The following FHIT variants were observed in gnomAD, a reference collection of about 807,000 sequenced individuals.
FHIT encodes the protein bis(5'-adenosyl)-triphosphatase.
FHIT carries 19 observed loss-of-function variants against 17.9 expected under a neutral mutation model. The ratio of observed to expected loss-of-function variants is 1.06; its 90% CI spans 0.74 to 1.56. FHIT has a LOEUF of 1.56. FHIT is among the 40% of genes most tolerant of loss of function. The pLI, the probability that FHIT is intolerant of heterozygous loss-of-function variation, is 0.00. For synonymous variants in FHIT, 81 were observed against 69.7 expected, an observed-to-expected ratio of 1.16 and a Z score of -0.81; for missense variants, 248 against 189.2, an observed-to-expected ratio of 1.31 and a Z score of -1.82.
intron 8 of FHIT, among the ~76,000 whole-genome samples, chr3:59,835,150 G>A (rs1046040565): frequency 1.3e-5 from 2 of 152,060 alleles, no homozygotes; most frequent in African/African-American, 4.8e-5. Flanking sequence ...TGGATCAAAG[G>A]CCCTCTGACT....
At chr3:61,213,622 C>A (rs920576536) in intron 1 of FHIT, among the ~76,000 whole-genome samples, 1 of 152,290 alleles carries the variant, frequency 6.6e-6, no homozygotes, top group East Asian at 1.9e-4. Flanking sequence ...ACAAGGATAT[C>A]CAGGTATTGA....
rs892666529 is a variant in FHIT at position 60,181,224 on chromosome 3, C to T, written c.104-167072G>A. On this transcript the variant is annotated intron_variant, in intron 5 of 9. Transcript: ENST00000492590. ...GCAGTGGTACAATCTTGGCTCACTA[C>T]AACCTCTGCCTCCTGGGTTCAAGCG... Among the ~76,000 whole-genome samples the T allele has an allele frequency of 2.0e-5, 3 of 148,298 alleles. No homozygotes were observed. The East Asian group carries it at 6.1e-4, about 30-fold the overall frequency.
intron 8 of FHIT, among the ~76,000 whole-genome samples, chr3:59,789,206 G>A (rs1257053013): frequency 6.6e-6 from 1 of 152,148 alleles, no homozygotes; most frequent in East Asian, 1.9e-4. Flanking sequence ...GATAGTAGGG[G>A]CATTTCATTC....
intron 4 of FHIT, among the ~76,000 whole-genome samples, chr3:60,799,719 C>T (rs182779328): frequency 1.7e-4 from 26 of 152,242 alleles, no homozygotes; most frequent in African/African-American, 5.3e-4. Flanking sequence ...TAAACATTTT[C>T]GCCTCCAAGA....
At chr3:60,642,807 C>A (rs565152992) in intron 4 of FHIT, among the ~76,000 whole-genome samples, 1 of 152,082 alleles carries the variant, frequency 6.6e-6, no homozygotes, top group Non-Finnish European at 1.5e-5. Flanking sequence ...GGGTTTTGTA[C>A]CTGCTGCTTT....
chr3:61,171,106 T>C (rs1356684609), intron 2 of FHIT, among the ~76,000 whole-genome samples: 2 of 152,194 alleles, frequency 1.3e-5, no homozygotes, highest in Admixed American at 1.3e-4. Flanking sequence ...ACAACCTCAC[T>C]AGCGTCTGTT....
intron 3 of FHIT, among the ~76,000 whole-genome samples, chr3:61,036,051 A>T (rs2033222096): frequency 6.6e-6 from 1 of 152,208 alleles, no homozygotes; most frequent in Admixed American, 6.5e-5. Context: ...AGACTGGGTA[A>T]TTTATAAAGA....
chr3:59,754,714 G>A (rs774062700), intron 8 of FHIT, among the ~76,000 whole-genome samples: 7 of 152,204 alleles, frequency 4.6e-5, no homozygotes, highest in Non-Finnish European at 8.8e-5. Flanking sequence ...ATTGTCATAT[G>A]CCTTACAGAT....
intron 3 of FHIT, among the ~76,000 whole-genome samples, chr3:60,922,692 C>T (rs1553768704): frequency 1.3e-5 from 2 of 152,202 alleles, no homozygotes. Context: ...AGCCATTTCT[C>T]TCCCTTCCCT....
intron 5 of FHIT, among the ~76,000 whole-genome samples, chr3:60,310,032 CCTG>C (rs1329127679): frequency 2.0e-5 from 3 of 152,130 alleles, no homozygotes; most frequent in Non-Finnish European, 4.4e-5. Context: ...TGAGCACCTG[CCTG>C]CTGTCTGGAA....
At chr3:60,477,214 T>C (rs1047145737) in intron 5 of FHIT, among the ~76,000 whole-genome samples, 33 of 151,670 alleles carry the variant, frequency 2.2e-4, no homozygotes, top group African/African-American at 7.1e-4. Flanking sequence ...TTTTTTTTTT[T>C]CAGTTCTTAT....
chr3:61,015,702 ATC>A (rs750510887), intron 3 of FHIT, among the ~76,000 whole-genome samples: 3 of 152,042 alleles, frequency 2.0e-5, no homozygotes, highest in African/African-American at 7.2e-5. Context: ...ATGTGGTTCA[ATC>A]TCTCTCTCTC....
chr3:60,405,615 G>A (rs1701827861), intron 5 of FHIT, among the ~76,000 whole-genome samples: 1 of 152,210 alleles, frequency 6.6e-6, no homozygotes, highest in Admixed American at 6.5e-5. Flanking sequence ...GGCAGGTAGA[G>A]TGCCCCAAGA....
intron 5 of FHIT, among the ~76,000 whole-genome samples, chr3:60,200,229 G>C (rs142974652): frequency 7.4e-4 from 113 of 152,274 alleles, no homozygotes; most frequent in African/African-American, 2.6e-3. Context: ...ACGTGCTAAT[G>C]AGAGTTCTGT....
chr3:60,229,740 T>A (rs957882909), intron 5 of FHIT, among the ~76,000 whole-genome samples: 69 of 152,260 alleles, frequency 4.5e-4, no homozygotes, highest in African/African-American at 1.6e-3. Flanking sequence ...TCCCAGCACT[T>A]TGGTAGGCCA....
intron 3 of FHIT, among the ~76,000 whole-genome samples, chr3:60,823,678 T>C (rs1205535727): frequency 6.6e-6 from 1 of 152,224 alleles, no homozygotes; most frequent in Non-Finnish European, 1.5e-5. Context: ...TCCAGAACTA[T>C]GAGACAATAA....
intron 7 of FHIT, among the ~76,000 whole-genome samples, chr3:59,989,273 G>A (rs1269072669): frequency 1.3e-5 from 2 of 152,020 alleles, no homozygotes; most frequent in Non-Finnish European, 2.9e-5. Context: ...TGAGAATATG[G>A]AGACAGCCTT....
At chr3:60,195,734 A>C (rs1438266779) in intron 5 of FHIT, among the ~76,000 whole-genome samples, 1 of 151,390 alleles carries the variant, frequency 6.6e-6, no homozygotes, top group Non-Finnish European at 1.5e-5. Context: ...AGCAACTTTC[A>C]TGGAACTGGA....
chr3:61,032,906 G>T (rs2033075325), intron 3 of FHIT, among the ~76,000 whole-genome samples: 1 of 152,244 alleles, frequency 6.6e-6, no homozygotes, highest in African/African-American at 2.4e-5. Context: ...CCAGGGGCCT[G>T]TGAACCAGGA....
Sources: gnomAD v4.1 joint callset for allele counts (sites outside exome capture counted in the v4.1 genomes callset) on GRCh38, gnomAD v4.1.1 for gene constraint, MANE v1.5 for transcripts, NCBI Gene and HGNC (gene_info 2026-07-23, HGNC 2026-07-21) for gene names.